Variants in AGRN observed in about 807,000 individuals in gnomAD.
The protein encoded by AGRN is agrin, also known as agrin proteoglycan.
A neutral mutation model predicts 211.0 loss-of-function variants in AGRN; 106 were observed. The ratio of observed to expected loss-of-function variants is 0.50; its 90% confidence interval spans 0.43 to 0.59. The LOEUF is 0.59. Among genes scored for constraint, AGRN ranks in the 20% least tolerant of loss-of-function variants. AGRN has a pLI of 0.00. For missense variants in AGRN, 3,040 were observed against 2,982.6 expected, an observed-to-expected ratio of 1.02 and a Z score of -0.45; for synonymous variants, 1,525 against 1,332.5, an observed-to-expected ratio of 1.14 and a Z score of -3.15.
At chr1:1,035,944 G>C (rs1224378340) in intron 3 of AGRN, among the ~76,000 whole-genome samples, 1 of 152,186 alleles carries the variant, frequency 6.6e-6, no homozygotes, top group Non-Finnish European at 1.5e-5. Flanking sequence ...ACTGTCATCG[G>C]GGTGGTGTGA....
In AGRN at chr1:1,048,102, C is replaced by T. The variant is rs1175194474; in HGVS notation, c.3842C>T (p.Ser1281Phe). 2 of 1,571,100 alleles carry T rather than the reference C, an allele frequency of 1.3e-6. No individual in the cohort carries two copies. The highest frequency in any genetic ancestry group is 1.8e-5 in the Admixed American group (1 of 56,728). Residue 1281 changes from serine to phenylalanine, a missense_variant, in exon 23 of 36, where the codon TCC becomes TTC. Ser to Phe is a radical substitution (Grantham distance 155). Coordinates refer to ENST00000379370, the MANE Select transcript of AGRN (RefSeq NM_198576.4). This position sits in a 1 kb window ranked among gnomAD's most constrained non-coding sequence, Gnocchi z 5.9. ...GCCACCACTGCATCGCGCCTGCCGTCCTCTGCTGTGACCCCTCGGGCCCCG... is the reference window on the plus strand; with the variant it reads ...GCCACCACTGCATCGCGCCTGCCGTTCTCTGCTGTGACCCCTCGGGCCCCG... ...ARATTASRLP[S>F]SAVTPRAPHP...
chr1:1,029,500 G>T (rs1644604028), intron 2 of AGRN, among the ~76,000 whole-genome samples: 1 of 151,958 alleles, frequency 6.6e-6, no homozygotes, highest in Admixed American at 6.6e-5. Flanking sequence ...TGAGGCTGGG[G>T]CTGGGGTCAG....
At position 1,030,889 on chromosome 1, in the gene AGRN, ATG is replaced by A. The variant is rs201994684; in HGVS notation, c.464-4377_464-4376del. On this transcript the variant is annotated intron_variant, in intron 2 of 35. Coordinates refer to ENST00000379370, the MANE Select transcript of AGRN (RefSeq NM_198576.4). The stretch of plus-strand genomic sequence containing the variant: ...GTGCATGGTGCTGTGTGAGATCAGC[ATG>A]TGTGTGTGTGCAGTGCATGGTGCTG... 1.1e-4 allele frequency among the ~76,000 whole-genome samples: 4 copies of A among 35,992 alleles called. 1 individual carries two copies. Among genetic ancestry groups the A allele is most frequent in the Non-Finnish European group, 5.2e-5 (1 of 19,272 alleles). 23.6% of individuals were successfully genotyped at this position (35,992 alleles called of 152,430 possible).
chr1:1,045,595 C>T (rs113849939), intron 14 of AGRN, 72 bp downstream of exon 14: 1 of 1,604,000 alleles, frequency 6.2e-7, no homozygotes, highest in Non-Finnish European at 8.5e-7. Flanking sequence ...CTGTGCTTCT[C>T]CTCACCTGCC....
chr1:1,041,346 C>T lies in AGRN; in HGVS notation c.901C>T (p.Arg301Cys), dbSNP rs776160878. 3 of 1,529,254 alleles carry T rather than the reference C, an allele frequency of 2.0e-6. No homozygotes were observed. Among genetic ancestry groups the T allele is most frequent in the African/African-American group, 1.4e-5 (1 of 72,564 alleles). 94.7% of individuals were successfully genotyped at this position (1,529,254 alleles called of 1,614,324 possible). ...DYPGECQLLRRACARQENVFK... is the reference protein window; with the variant it reads ...DYPGECQLLRCACARQENVFK... ...CCCCGGCGAGTGCCAGCTCCTGCGC[C>T]GCGCCTGCGCCCGCCAGGAGAATGT... Residue 301 changes from arginine to cysteine, a missense_variant, in exon 5 of 36, where the codon CGC becomes TGC. Transcript: ENST00000379370.
chr1:1,030,723 ATGTG>A (rs769109732), intron 2 of AGRN, among the ~76,000 whole-genome samples: 15 of 37,634 alleles, frequency 4.0e-4, no homozygotes, highest in East Asian at 9.6e-4. Context: ...TGAGATCAGC[ATGTG>A]TGTGTGTGTG....
At chr1:1,054,239 A>T (rs1557726729) in intron 34 of AGRN, among the ~76,000 whole-genome samples, 1 of 152,212 alleles carries the variant, frequency 6.6e-6, no homozygotes, top group Non-Finnish European at 1.5e-5. Context: ...CGCCTCCAGC[A>T]AAGCTTGAGC....
Position 1,050,311 on chromosome 1 carries a change from C to T in AGRN, c.4958C>T (p.Thr1653Ile), listed in dbSNP as rs775832705. The T allele has an allele frequency of 1.2e-6, 2 of 1,612,934 alleles. No individual in the cohort carries two copies. The highest frequency in any genetic ancestry group is 8.5e-7 in the Non-Finnish European group (1 of 1,179,906). The change falls in exon 28 of 36, where the codon ACC (threonine) becomes ATC (isoleucine). Residue 1653 changes from threonine to isoleucine, a missense_variant. Around this residue, in one of 3 missense-constraint regions of AGRN, gnomAD observed 1,537 missense variants for 1,505.0 expected, o/e 1.02. Transcript: ENST00000379370. ...CACCTGGAGCTGAGAGGCCTGCACACCTTTGCACGGGACCTGGGGTCGGTG... is the reference window on the plus strand; with the variant it reads ...CACCTGGAGCTGAGAGGCCTGCACATCTTTGCACGGGACCTGGGGTCGGTG... ...FSHLELRGLH[T>I]FARDLGEKMA...
Position 1,051,388 on chromosome 1 carries a change from T to TCCCAGCAGGGC in AGRN, c.5370+21_5370+31dup. The TCCCAGCAGGGC allele has an allele frequency of 8.2e-7, 1 of 1,217,936 alleles. No homozygotes were observed. The allele number at this position is 1,217,936 out of a possible 1,614,324, so 75.4% of individuals were successfully genotyped here. On this transcript the variant is annotated intron_variant, in intron 31 of 35. Transcript: ENST00000379370. ...CCAGCTGGTATGTGGGGGCGGGGCGTCCCAGCAGGGCCTCCGGGGCGGGCG... is the reference window on the plus strand; with the variant it reads ...CCAGCTGGTATGTGGGGGCGGGGCGTCCCAGCAGGGCCCCAGCAGGGCCTCCGGGGCGGGCG...
chr1:1,033,794 G>A (rs1463633284), intron 2 of AGRN, among the ~76,000 whole-genome samples: 1 of 102,578 alleles, frequency 9.7e-6, no homozygotes, highest in Admixed American at 9.5e-5. Context: ...CAGCCCCAGC[G>A]CTCCCGGCCC....
intron 2 of AGRN, among the ~76,000 whole-genome samples, chr1:1,029,118 G>C (rs909970073): frequency 4.2e-5 from 6 of 144,356 alleles, no homozygotes; most frequent in African/African-American, 1.1e-4. Context: ...CACCCTTTCC[G>C]AAGGAACCGA....
At position 1,048,867 on chromosome 1, in the gene AGRN, T is replaced by G. The variant is rs1248633139; in HGVS notation, c.4106T>G (p.Val1369Gly). 2.0e-6 allele frequency: 3 copies of G among 1,535,260 alleles called. No individual in the cohort carries two copies. The highest frequency in any genetic ancestry group is 2.6e-6 in the Non-Finnish European group (3 of 1,141,426). ...AGRGGAVCEK[V>G]LGAPVPAFEG... Reference sequence around the variant, plus strand: ...CGGCCCTCCCGGTCGCCCTTTGCAGTGCTTGGCGCCCCTGTGCCGGCCTTC... The same window carrying G: ...CGGCCCTCCCGGTCGCCCTTTGCAGGGCTTGGCGCCCCTGTGCCGGCCTTC... Residue 1369 changes from valine to glycine, a missense_variant and splice_region_variant, in exon 24 of 36, where the codon GTG (valine) becomes GGG (glycine). By Grantham distance (109) the Val-to-Gly change is moderately radical. This residue lies in a region of AGRN where 1,537 missense variants were observed against 1,505.0 expected (regional missense o/e 1.02). Transcript: ENST00000379370. The surrounding 1 kb of genome is among the most constrained non-coding windows in gnomAD (Gnocchi z 5.9).
Position 1,020,298 on chromosome 1 carries a change from G to A in AGRN, c.126G>A (p.Glu42=). 6.8e-7 allele frequency: 1 copy of A among 1,477,816 alleles called. No individual in the cohort carries two copies. The highest frequency in any genetic ancestry group is 9.0e-7 in the Non-Finnish European group (1 of 1,113,564). The allele number at this position is 1,477,816 out of a possible 1,614,324, so 91.5% of individuals were successfully genotyped here. A position where few individuals can be genotyped will look rare whatever the true frequency, so the allele number is the denominator to read the frequency against. Residue 42 remains glutamate, a synonymous_variant, in exon 1 of 36, where the codon GAG becomes GAA. Coordinates refer to ENST00000379370, the MANE Select transcript of AGRN (RefSeq NM_198576.4). ...PERALERREE[E]ANVVLTGTVE... The stretch of plus-strand genomic sequence containing the variant: ...GCGCGCTGGAGCGGCGCGAGGAGGA[G>A]GCGAACGTGGTGCTCACCGGGACGG...
In AGRN at chr1:1,044,537, G is replaced by A. The variant is rs74562300; in HGVS notation, c.2254+98G>A. Reference sequence around the variant, plus strand: ...TGCCCGTGTGCTGCGTTGGGCCCCTGTGGACGTGTGTATTGTGTTGTAAGT... The same window carrying A: ...TGCCCGTGTGCTGCGTTGGGCCCCTATGGACGTGTGTATTGTGTTGTAAGT... On this transcript the variant is annotated intron_variant, in intron 12 of 35. Transcript: ENST00000379370. The A allele has an allele frequency of 1.2e-4, 148 of 1,242,102 alleles. No individual in the cohort carries two copies. The East Asian group carries it at 3.7e-3, about 31-fold the overall frequency. 76.9% of individuals were successfully genotyped at this position (1,242,102 alleles called of 1,614,324 possible). A position where few individuals can be genotyped will look rare whatever the true frequency, so the allele number is the denominator to read the frequency against.
At chr1:1,043,104 A>G (rs894359807) in intron 7 of AGRN, 135 bp from the exon 8 acceptor site, 1 of 971,212 alleles carries the variant, frequency 1.0e-6, no homozygotes, top group Middle Eastern at 2.9e-4. Context: ...TCTGCTGTGC[A>G]TCTGGCCCTT....
At chr1:1,029,981 ATG>A (rs60309678) in intron 2 of AGRN, among the ~76,000 whole-genome samples, 4 of 23,966 alleles carry the variant, frequency 1.7e-4, no homozygotes, top group Admixed American at 1.3e-3. Flanking sequence ...TGAGATCAGC[ATG>A]TGTGTGTGTG....
chr1:1,051,230 C>T (rs1355735077), intron 30 of AGRN, 23 bp from the exon 31 acceptor site: 21 of 1,575,852 alleles, frequency 1.3e-5, no homozygotes, highest in Non-Finnish European at 1.6e-5. Context: ...CTCTGCACAG[C>T]CACTTACCTG....
At chr1:1,044,977 C>T (rs146543092) in intron 12 of AGRN, among the ~76,000 whole-genome samples, 184 bp from the exon 13 acceptor site, 1 of 152,188 alleles carries the variant, frequency 6.6e-6, no homozygotes, top group South Asian at 2.1e-4. Context: ...CATTTACAGA[C>T]ATGTTCTTGC....
intron 2 of AGRN, among the ~76,000 whole-genome samples, chr1:1,033,665 C>T (rs1311329357): frequency 7.6e-6 from 1 of 130,810 alleles, no homozygotes; most frequent in East Asian, 2.4e-4. Flanking sequence ...CCACCCCCGG[C>T]CCCAGCTTCA....
Sources: gnomAD v4.1 joint callset for allele counts (sites outside exome capture counted in the v4.1 genomes callset) on GRCh38, gnomAD v4.1.1 for gene constraint, gnomAD v4.1.1 regional missense constraint, Gnocchi (gnomAD v3.1) non-coding constraint, MANE v1.5 for transcripts, NCBI Gene and HGNC (gene_info 2026-07-23, HGNC 2026-07-21) for gene names.